Variants in CNTN4 observed in about 807,000 individuals in gnomAD.
CNTN4 encodes contactin 4, also known as contactin-4.
Under a neutral mutation model 122.5 loss-of-function variants are expected in CNTN4, and 77 were observed. The ratio of observed to expected loss-of-function variants is 0.63; its 90% CI spans 0.52 to 0.76. The LOEUF is 0.76. CNTN4 is among the 30% of genes least tolerant of loss of function. The probability of loss-of-function intolerance (pLI) is 0.00; values close to 1 mark genes in which losing one functional copy is unlikely to be tolerated. For missense variants in CNTN4, 1,256 were observed against 1,259.1 expected, an observed-to-expected ratio of 1.00 and a Z score of 0.04; for synonymous variants, 512 against 447.0, an observed-to-expected ratio of 1.15 and a Z score of -1.83.
chr3:2,776,001 A>T (rs1026198057), intron 6 of CNTN4, among the ~76,000 whole-genome samples: 1 of 152,186 alleles, frequency 6.6e-6, no homozygotes, highest in Non-Finnish European at 1.5e-5. Flanking sequence ...TTTGCATTTT[A>T]TACATACTTA....
intron 3 of CNTN4, among the ~76,000 whole-genome samples, chr3:2,560,470 C>T (rs2078905406): frequency 6.6e-6 from 1 of 152,108 alleles, no homozygotes; most frequent in Non-Finnish European, 1.5e-5. Context: ...AGAATGACTT[C>T]TGACTTCCTT....
chr3:2,839,132 G>A (rs1442109279), intron 7 of CNTN4, among the ~76,000 whole-genome samples: 1 of 152,074 alleles, frequency 6.6e-6, no homozygotes, highest in Non-Finnish European at 1.5e-5. Context: ...AGTCCTAATT[G>A]TTATGTCAAA....
At chr3:2,649,038 A>T (rs898108961) in intron 4 of CNTN4, among the ~76,000 whole-genome samples, 1 of 152,164 alleles carries the variant, frequency 6.6e-6, no homozygotes, top group African/African-American at 2.4e-5. Flanking sequence ...CAATTCTGTG[A>T]AGGCTGAAAG....
intron 2 of CNTN4, among the ~76,000 whole-genome samples, chr3:2,306,893 A>T (rs1327593185): frequency 7.5e-6 from 1 of 133,638 alleles, no homozygotes; most frequent in Non-Finnish European, 1.5e-5. Flanking sequence ...TTTAAATGAA[A>T]TTTTTTTATT....
At chr3:2,794,223 T>G (rs1559510120) in intron 6 of CNTN4, among the ~76,000 whole-genome samples, 1 of 152,152 alleles carries the variant, frequency 6.6e-6, no homozygotes, top group Non-Finnish European at 1.5e-5. Context: ...CTGCAAAAAA[T>G]GTCTGGTGCC....
At chr3:2,203,748 C>T (rs2038214527) in intron 2 of CNTN4, among the ~76,000 whole-genome samples, 1 of 152,166 alleles carries the variant, frequency 6.6e-6, no homozygotes, top group Non-Finnish European at 1.5e-5. Flanking sequence ...CATTGGCCTT[C>T]TGACCTCCTT....
At chr3:2,630,342 G>T (rs537633976) in intron 4 of CNTN4, among the ~76,000 whole-genome samples, 1 of 152,290 alleles carries the variant, frequency 6.6e-6, no homozygotes, top group South Asian at 2.1e-4. Flanking sequence ...GGGAGGCTGA[G>T]GTGGGAGAAT....
At chr3:2,883,744 C>T (rs2093938487) in intron 9 of CNTN4, among the ~76,000 whole-genome samples, 1 of 152,182 alleles carries the variant, frequency 6.6e-6, no homozygotes, top group Non-Finnish European at 1.5e-5. Flanking sequence ...ACGTGTTGTT[C>T]TCTAAGAGAG....
chr3:2,699,564 G>T (rs973404391), intron 4 of CNTN4, among the ~76,000 whole-genome samples: 7 of 152,198 alleles, frequency 4.6e-5, no homozygotes, highest in Non-Finnish European at 2.9e-5. Context: ...GAATAACTCA[G>T]TTGCCCTCAG....
chr3:2,158,561 G>A (rs564282076), intron 2 of CNTN4, among the ~76,000 whole-genome samples: 27 of 152,302 alleles, frequency 1.8e-4, no homozygotes, highest in African/African-American at 5.8e-4. Context: ...TGAAAAGAAC[G>A]TAGACTAAAT....
chr3:2,227,625 C>T (rs1246383286), intron 2 of CNTN4, among the ~76,000 whole-genome samples: 1 of 152,118 alleles, frequency 6.6e-6, no homozygotes, highest in Non-Finnish European at 1.5e-5. Context: ...GATTGGGAGT[C>T]TGTGGGTAAG....
At chr3:2,180,067 G>A (rs955525548) in intron 2 of CNTN4, among the ~76,000 whole-genome samples, 7 of 151,378 alleles carry the variant, frequency 4.6e-5, no homozygotes, top group Non-Finnish European at 2.9e-5. Context: ...GAATTAGATG[G>A]TGCATATATG....
At chr3:3,040,355 G>C in intron 20 of CNTN4, 84 bp downstream of exon 20, 3 of 1,041,892 alleles carry the variant, frequency 2.9e-6, no homozygotes, top group Non-Finnish European at 4.4e-6. Context: ...AATCAATTTC[G>C]CATGGTACAT....
At position 2,736,777 on chromosome 3, in the gene CNTN4, T is replaced by TATTTATTC. The variant is rs1235536218; in HGVS notation, c.182+443_182+444insCATTTATT. On this transcript the variant is annotated intron_variant, in intron 5 of 24. Coordinates refer to ENST00000418658, the MANE Select transcript of CNTN4 (RefSeq NM_175607.3). The stretch of plus-strand genomic sequence containing the variant: ...CACACCCGGACCAAGAGCTTTTATT[T>TATTTATTC]ATTTATTTATTTATTTATTTATTTA... Among the ~76,000 whole-genome samples the TATTTATTC allele has an allele frequency of 7.8e-5, 11 of 140,318 alleles. 2 individuals carry two copies. Among genetic ancestry groups the TATTTATTC allele is most frequent in the African/African-American group, 5.4e-5 (2 of 37,196 alleles). The allele number at this position is 140,318 out of a possible 152,430, so 92.1% of individuals were successfully genotyped here. A position where few individuals can be genotyped will look rare whatever the true frequency, so the allele number is the denominator to read the frequency against.
At chr3:2,674,939 G>A (rs2084760726) in intron 4 of CNTN4, among the ~76,000 whole-genome samples, 1 of 152,098 alleles carries the variant, frequency 6.6e-6, no homozygotes, top group Non-Finnish European at 1.5e-5. Flanking sequence ...ACTTTCATAT[G>A]ATTAATTGCT....
chr3:2,142,382 A>G (rs1240301322), intron 2 of CNTN4, among the ~76,000 whole-genome samples: 2 of 145,056 alleles, frequency 1.4e-5, no homozygotes, highest in African/African-American at 5.1e-5. Context: ...TTTTTTTTTT[A>G]AAGATGGCAT....
At chr3:2,188,880 A>G (rs1463079466) in intron 2 of CNTN4, among the ~76,000 whole-genome samples, 1 of 152,098 alleles carries the variant, frequency 6.6e-6, no homozygotes, top group Non-Finnish European at 1.5e-5. Flanking sequence ...ATCAGCTACA[A>G]AGACTCCCTG....
At chr3:2,445,999 A>G (rs950033941) in intron 3 of CNTN4, among the ~76,000 whole-genome samples, 3 of 152,116 alleles carry the variant, frequency 2.0e-5, no homozygotes, top group Admixed American at 6.6e-5. Flanking sequence ...CAGAAACTCT[A>G]CTGTATAGAA....
intron 2 of CNTN4, among the ~76,000 whole-genome samples, chr3:2,115,010 C>A (rs915780831): frequency 1.3e-5 from 2 of 152,204 alleles, no homozygotes; most frequent in African/African-American, 4.8e-5. Context: ...TTTCTAACAG[C>A]AAAATCTCTT....
Sources: gnomAD v4.1 joint callset for allele counts (sites outside exome capture counted in the v4.1 genomes callset) on GRCh38, gnomAD v4.1.1 for gene constraint, MANE v1.5 for transcripts, NCBI Gene and HGNC (gene_info 2026-07-23, HGNC 2026-07-21) for gene names.